Variants in MB21D2 observed in about 807,000 individuals in gnomAD.
The protein encoded by MB21D2 is Mab-21 domain containing 2.
In MB21D2, 9 loss-of-function variants were observed where a neutral mutation model predicts 33.3. The observed-to-expected ratio is 0.27, with a 90% CI of 0.16 to 0.47. The LOEUF (loss-of-function observed/expected upper bound fraction) is 0.47, where lower values mean the gene tolerates loss of function less well. Ranked by LOEUF, MB21D2 falls within the 20% of genes least tolerant of loss-of-function variation. The pLI, the probability that MB21D2 is intolerant of heterozygous loss-of-function variation, is 0.99. For missense variants in MB21D2, 540 were observed against 624.6 expected, an observed-to-expected ratio of 0.86 and a Z score of 1.44; for synonymous variants, 241 against 236.3, an observed-to-expected ratio of 1.02 and a Z score of -0.18.
intron 1 of MB21D2, among the ~76,000 whole-genome samples, chr3:192,916,136 C>T (rs1445652705): frequency 6.9e-6 from 1 of 144,702 alleles, no homozygotes; most frequent in African/African-American, 2.7e-5. Context: ...TTCATCTATT[C>T]ATCTACATAG....
intron 1 of MB21D2, among the ~76,000 whole-genome samples, chr3:192,839,334 G>A (rs1712518930): frequency 6.6e-6 from 1 of 152,044 alleles, no homozygotes; most frequent in African/African-American, 2.4e-5. Flanking sequence ...TTTCTCTCTG[G>A]GGCACTCTTC....
intron 1 of MB21D2, among the ~76,000 whole-genome samples, chr3:192,840,602 G>C (rs1712549551): frequency 6.6e-6 from 1 of 151,740 alleles, no homozygotes; most frequent in South Asian, 2.1e-4. Context: ...GAGGCGCTAT[G>C]GTAGAAAGTT....
At chr3:192,837,154 G>A (rs1213567612) in intron 1 of MB21D2, among the ~76,000 whole-genome samples, 2 of 152,098 alleles carry the variant, frequency 1.3e-5, no homozygotes, top group East Asian at 1.9e-4. Flanking sequence ...GTTGACCAGA[G>A]TAAGTATTAG....
At chr3:192,859,951 G>C (rs191242222) in intron 1 of MB21D2, among the ~76,000 whole-genome samples, 149 of 152,314 alleles carry the variant, frequency 9.8e-4, no homozygotes, top group African/African-American at 3.4e-3. Flanking sequence ...ATGCATAAAT[G>C]AAACTAAAGC....
At chr3:192,907,114 T>C (rs539927492) in intron 1 of MB21D2, among the ~76,000 whole-genome samples, 1 of 152,168 alleles carries the variant, frequency 6.6e-6, no homozygotes, top group Non-Finnish European at 1.5e-5. Flanking sequence ...GAAAAACAGA[T>C]AGCTGTTTCC....
chr3:192,869,455 G>T (rs1560244695), intron 1 of MB21D2, among the ~76,000 whole-genome samples: 1 of 152,114 alleles, frequency 6.6e-6, no homozygotes, highest in Non-Finnish European at 1.5e-5. Context: ...AAACCTGAAA[G>T]CTGGCTCCAG....
intron 1 of MB21D2, among the ~76,000 whole-genome samples, chr3:192,878,857 G>A (rs1488037134): frequency 6.6e-6 from 1 of 152,184 alleles, no homozygotes; most frequent in Non-Finnish European, 1.5e-5. Flanking sequence ...CCAGCTACTG[G>A]GGAGGCTGAG....
chr3:192,881,125 C>T (rs1346628750), intron 1 of MB21D2, among the ~76,000 whole-genome samples: 1 of 152,022 alleles, frequency 6.6e-6, no homozygotes, highest in Admixed American at 6.6e-5. Context: ...TCTTAATATC[C>T]TTCAGTATTA....
In MB21D2 at chr3:192,823,051, C is replaced by T. The variant is rs191604094; in HGVS notation, c.212-23401G>A. Among the ~76,000 whole-genome samples, 207 of 152,238 alleles carry T rather than the reference C, an allele frequency of 1.4e-3. 1 individual carries two copies. The highest frequency in any genetic ancestry group is 3.5e-3 in the African/African-American group (147 of 41,536). ...GGATATGATAAAATATAATAAAATA[C>T]GCCATATCTGATACATTTATAAGCC... is the stretch of plus-strand genomic sequence containing the variant. On this transcript the variant is annotated intron_variant, in intron 1 of 1. Coordinates refer to ENST00000392452, the MANE Select transcript of MB21D2 (RefSeq NM_178496.4).
At chr3:192,868,445 C>A (rs559569799) in intron 1 of MB21D2, among the ~76,000 whole-genome samples, 2 of 152,254 alleles carry the variant, frequency 1.3e-5, no homozygotes, top group East Asian at 1.9e-4. Flanking sequence ...GATCAAGTCA[C>A]CTCTAACCAT....
intron 1 of MB21D2, among the ~76,000 whole-genome samples, chr3:192,878,081 C>G (rs1352775930): frequency 8.4e-6 from 1 of 119,532 alleles, no homozygotes; most frequent in Non-Finnish European, 1.7e-5. Flanking sequence ...AATTCCTCCT[C>G]TTTTTTTTTT....
rs1577207358 is a variant in MB21D2, at chr3:192,917,841, G to A, written c.-1C>T. On this transcript the variant is annotated 5_prime_UTR_variant, in exon 1 of 2. Coordinates refer to ENST00000392452, the MANE Select transcript of MB21D2 (RefSeq NM_178496.4). ...TGGCGGTGGGAGCCGCCATCTTCAT[G>A]CAAAACGCGCCGAGTAGCAGCTCCG... 1 of 1,606,854 alleles carries A rather than the reference G, an allele frequency of 6.2e-7. No homozygotes were observed. The highest frequency in any genetic ancestry group is 2.2e-5 in the East Asian group (1 of 44,702).
At chr3:192,800,248 T>C (rs912109644) in intron 1 of MB21D2, among the ~76,000 whole-genome samples, 1 of 152,112 alleles carries the variant, frequency 6.6e-6, no homozygotes, top group Non-Finnish European at 1.5e-5. Context: ...ACACACTGTT[T>C]GACTTTTTTT....
chr3:192,831,444 T>A (rs1246008179), intron 1 of MB21D2, among the ~76,000 whole-genome samples: 1 of 152,238 alleles, frequency 6.6e-6, no homozygotes, highest in Non-Finnish European at 1.5e-5. Context: ...CACTAAGTTT[T>A]GGAATAATTG....
At chr3:192,826,545 A>G (rs13083780) in intron 1 of MB21D2, among the ~76,000 whole-genome samples, 18,612 of 152,248 alleles carry the variant, frequency 0.12, 1,316 homozygotes, top group African/African-American at 0.18. Flanking sequence ...GAAGATGGAA[A>G]ACCTACTTGT....
At chr3:192,912,736 G>C (rs554539659) in intron 1 of MB21D2, among the ~76,000 whole-genome samples, 1 of 152,234 alleles carries the variant, frequency 6.6e-6, no homozygotes, top group East Asian at 1.9e-4. Flanking sequence ...GCAGGCTACT[G>C]AGTATAGTAT....
At chr3:192,896,675 C>T (rs1007583324) in intron 1 of MB21D2, among the ~76,000 whole-genome samples, 1 of 152,232 alleles carries the variant, frequency 6.6e-6, no homozygotes, top group Non-Finnish European at 1.5e-5. Flanking sequence ...ACTAAGTCTT[C>T]CCCTACTGGC....
chr3:192,828,636 A>ACC (rs1712241302), intron 1 of MB21D2, among the ~76,000 whole-genome samples: 1 of 35,522 alleles, frequency 2.8e-5, no homozygotes, highest in Non-Finnish European at 4.8e-5. Flanking sequence ...ATATATATAT[A>ACC]TATATATATA....
rs186756422 is a variant in MB21D2 at position 192,827,928 on chromosome 3, C to A, written c.212-28278G>T. Among the ~76,000 whole-genome samples, 343 of 152,154 alleles carry A rather than the reference C, an allele frequency of 2.3e-3. 4 individuals are homozygous for A. Among genetic ancestry groups the A allele is most frequent in the African/African-American group, 7.7e-3 (318 of 41,454 alleles). ...TTGTGAGAGGGATCAGGTGGGAGAT[C>A]ATTGAATCATGGGATTGGTTTCCCC... is the stretch of plus-strand genomic sequence containing the variant. On this transcript the variant is annotated intron_variant, in intron 1 of 1. Transcript: ENST00000392452.
Sources: allele counts gnomAD v4.1 joint callset (sites outside exome capture counted in the v4.1 genomes callset), GRCh38; gene constraint gnomAD v4.1.1; transcripts MANE v1.5; gene names NCBI Gene and HGNC (gene_info 2026-07-23, HGNC 2026-07-21).